PHACTR3: variants seen among roughly 807,000 people sequenced by gnomAD.
PHACTR3 encodes the protein phosphatase and actin regulator 3.
A neutral mutation model predicts 66.8 loss-of-function variants in PHACTR3; 16 were observed. The observed-to-expected ratio is 0.24, with a 90% CI of 0.16 to 0.36. PHACTR3 has a LOEUF of 0.36. PHACTR3 is among the 10% of genes least tolerant of loss of function. The pLI is 1.00. For synonymous variants in PHACTR3, 323 were observed against 292.1 expected (o/e 1.11, Z -1.08); for missense variants, 647 against 719.9 (o/e 0.90, Z 1.16).
intron 1 of PHACTR3, among the ~76,000 whole-genome samples, chr20:59,679,855 G>C (rs936635499): frequency 6.6e-6 from 1 of 152,140 alleles, no homozygotes; most frequent in Non-Finnish European, 1.5e-5. Context: ...CCATGATTCA[G>C]TTACCTCCTG....
At chr20:59,755,063 A>G in intron 3 of PHACTR3, 119 bp from the exon 4 acceptor site, 2 of 956,950 alleles carry the variant, frequency 2.1e-6, no homozygotes, top group Non-Finnish European at 3.1e-6. Flanking sequence ...GGTGAGGGGG[A>G]GAGGGGTGGG....
chr20:59,764,477 T>C (rs17732400), intron 4 of PHACTR3, among the ~76,000 whole-genome samples: 3,398 of 152,260 alleles, frequency 0.022, 57 homozygotes, highest in Non-Finnish European at 0.035. Context: ...GGCCTTTCCA[T>C]ACTTGTAGTG....
chr20:59,820,027 G>A lies in PHACTR3; in HGVS notation c.1328+13833G>A, dbSNP rs2041992339. ...CGACTGACTTTCCCAGCCCTCCAGG[G>A]GGACCGTTGCTGGGGCTTCCGGTCT... On this transcript the variant is annotated intron_variant, in intron 8 of 12. Coordinates refer to ENST00000371015, the MANE Select transcript of PHACTR3 (RefSeq NM_080672.5). The surrounding 1 kb of genome is among the most constrained non-coding windows in gnomAD (Gnocchi z 4.6). Among the ~76,000 whole-genome samples, 1 of 152,182 alleles carries A rather than the reference G, an allele frequency of 6.6e-6. No homozygotes were observed. Among genetic ancestry groups the A allele is most frequent in the Non-Finnish European group, 1.5e-5 (1 of 68,034 alleles).
At chr20:59,785,754 G>C (rs967258415) in intron 7 of PHACTR3, among the ~76,000 whole-genome samples, 2 of 152,226 alleles carry the variant, frequency 1.3e-5, no homozygotes, top group Non-Finnish European at 2.9e-5. Context: ...AGCAGCACCA[G>C]CATCTGTCCA....
At position 59,604,770 on chromosome 20, in the gene PHACTR3, C is replaced by A; in HGVS notation, c.-245C>A. 1 of 1,179,730 alleles carries A rather than the reference C, an allele frequency of 8.5e-7. No homozygotes were observed. Among genetic ancestry groups the A allele is most frequent in the Non-Finnish European group, 1.0e-6 (1 of 957,786 alleles). 73.1% of individuals were successfully genotyped at this position (1,179,730 alleles called of 1,614,324 possible). On this transcript the variant is annotated 5_prime_UTR_variant, in exon 1 of 13. Coordinates refer to ENST00000371015, the MANE Select transcript of PHACTR3 (RefSeq NM_080672.5). ...GAATAAACACGAATAAATAACAAAG[C>A]GAGGCCGCGCACGCCGGGATGCGCC...
chr20:59,805,150 C>T (rs1177856741), intron 7 of PHACTR3, among the ~76,000 whole-genome samples: 2 of 152,180 alleles, frequency 1.3e-5, no homozygotes, highest in African/African-American at 4.8e-5. Flanking sequence ...AGGAATGACA[C>T]TCTGCCTGCG....
At chr20:59,706,356 C>G (rs939874703) in intron 1 of PHACTR3, among the ~76,000 whole-genome samples, 5 of 152,200 alleles carry the variant, frequency 3.3e-5, no homozygotes, top group Admixed American at 1.3e-4. Context: ...CAGAGAGGCA[C>G]CAAAACTGCA....
intron 1 of PHACTR3, chr20:59,628,707 T>C (rs2034554813): frequency 1.0e-6 from 1 of 985,330 alleles, no homozygotes; most frequent in Non-Finnish European, 1.2e-6. Context: ...CTCTGGAAGA[T>C]TCCCCATAGT....
At chr20:59,661,954 C>T (rs1851935943) in intron 1 of PHACTR3, among the ~76,000 whole-genome samples, 1 of 152,102 alleles carries the variant, frequency 6.6e-6, no homozygotes, top group Admixed American at 6.5e-5. Flanking sequence ...TGGGTTGGAT[C>T]AGTTTCTCTT....
At chr20:59,630,896 A>G (rs1388947230) in intron 1 of PHACTR3, among the ~76,000 whole-genome samples, 1 of 151,978 alleles carries the variant, frequency 6.6e-6, no homozygotes, top group Admixed American at 6.6e-5. Flanking sequence ...GGATTCGAGG[A>G]GGAAAGTTAC....
In PHACTR3 at chr20:59,815,431, T is replaced by G. The variant is rs187194771; in HGVS notation, c.1328+9237T>G. Among the ~76,000 whole-genome samples the G allele has an allele frequency of 3.5e-4, 52 of 149,020 alleles. No homozygotes were observed. In the East Asian group the frequency reaches 3.6e-3, roughly 10 times the overall value. On this transcript the variant is annotated intron_variant, in intron 8 of 12. Transcript: ENST00000371015. ...CTTGGGGTTCTGGTTTTTTTTTTTTTGTTTTTTTTTTTGAGATGGACTCTC... is the reference window on the plus strand; with the variant it reads ...CTTGGGGTTCTGGTTTTTTTTTTTTGGTTTTTTTTTTTGAGATGGACTCTC...
intron 4 of PHACTR3, among the ~76,000 whole-genome samples, chr20:59,763,070 T>C (rs573406235): frequency 2.0e-5 from 3 of 152,262 alleles, no homozygotes; most frequent in Admixed American, 6.5e-5. Flanking sequence ...ACAATCCCCA[T>C]AATCTCCACG....
Position 59,847,500 on chromosome 20 carries a change from T to A in PHACTR3, c.*370T>A. 1 of 200,318 alleles carries A rather than the reference T, an allele frequency of 5.0e-6. No homozygotes were observed. Among genetic ancestry groups the A allele is most frequent in the Non-Finnish European group, 1.0e-5 (1 of 98,558 alleles). 12.4% of individuals were successfully genotyped at this position (200,318 alleles called of 1,614,324 possible). ...TCCCAGGCCTCTGACATGAGGGACATGTGACAGTGTCATTCAGTATTATGT... is the reference window on the plus strand; with the variant it reads ...TCCCAGGCCTCTGACATGAGGGACAAGTGACAGTGTCATTCAGTATTATGT... On this transcript the variant is annotated 3_prime_UTR_variant, in exon 13 of 13. Coordinates refer to ENST00000371015, the MANE Select transcript of PHACTR3 (RefSeq NM_080672.5).
At chr20:59,606,136 G>C (rs2033660009) in intron 1 of PHACTR3, among the ~76,000 whole-genome samples, 1 of 152,088 alleles carries the variant, frequency 6.6e-6, no homozygotes, top group South Asian at 2.1e-4. Flanking sequence ...TAAATGCAAC[G>C]ACCCCAGATG....
chr20:59,819,786 G>A (rs921424700), intron 8 of PHACTR3, among the ~76,000 whole-genome samples: 1 of 151,424 alleles, frequency 6.6e-6, no homozygotes, highest in East Asian at 2.0e-4. Context: ...GTCAGCTGAG[G>A]CACCTGGCTG....
intron 5 of PHACTR3, 62 bp from the exon 6 acceptor site, chr20:59,773,217 G>A: frequency 6.4e-7 from 1 of 1,551,198 alleles, no homozygotes; most frequent in East Asian, 2.3e-5. Context: ...CCCAGTCTCA[G>A]CAAAACCCTT....
At chr20:59,800,216 A>G (rs1157073406) in intron 7 of PHACTR3, among the ~76,000 whole-genome samples, 1 of 152,184 alleles carries the variant, frequency 6.6e-6, no homozygotes, top group Non-Finnish European at 1.5e-5. Context: ...GAAAACAATT[A>G]TATATTTACA....
At chr20:59,667,933 CA>C (rs1270103390) in intron 1 of PHACTR3, among the ~76,000 whole-genome samples, 1 of 152,238 alleles carries the variant, frequency 6.6e-6, no homozygotes, top group African/African-American at 2.4e-5. Context: ...GGGCGAGCCA[CA>C]AGGGCAGTGC....
chr20:59,743,315 G>A lies in PHACTR3; in HGVS notation c.280+47G>A, dbSNP rs115126164. 6.2e-4 allele frequency: 998 copies of A among 1,605,146 alleles called. 3 individuals are homozygous for A. In the African/African-American group the frequency reaches 0.012, roughly 19 times the overall value. ...CGGGCAGGCTGTGGCTGGGACCAGCGTCCTTGGCATGGTGCTGCGGCCCCT... is the reference window on the plus strand; with the variant it reads ...CGGGCAGGCTGTGGCTGGGACCAGCATCCTTGGCATGGTGCTGCGGCCCCT... On this transcript the variant is annotated intron_variant, in intron 2 of 12. Coordinates refer to ENST00000371015, the MANE Select transcript of PHACTR3 (RefSeq NM_080672.5).
Sources: allele counts gnomAD v4.1 joint callset (sites outside exome capture counted in the v4.1 genomes callset), GRCh38; gene constraint gnomAD v4.1.1; non-coding constraint Gnocchi (gnomAD v3.1); transcripts MANE v1.5; gene names NCBI Gene and HGNC (gene_info 2026-07-23, HGNC 2026-07-21).